DNAH3: variants seen among roughly 807,000 people sequenced by gnomAD.
DNAH3 encodes axonemal beta dynein heavy chain 3.
DNAH3 carries 332 observed loss-of-function variants against 432.5 expected under a neutral mutation model. The observed-to-expected ratio is 0.77, with a 90% CI of 0.70 to 0.84. The LOEUF is 0.84. DNAH3 is among the 40% of genes least tolerant of loss of function. The pLI, the probability that DNAH3 is intolerant of heterozygous loss-of-function variation, is 0.00. For missense variants in DNAH3, 4,861 were observed against 5,114.0 expected (o/e 0.95, Z 1.51); for synonymous variants, 1,956 against 1,900.2 (o/e 1.03, Z -0.76).
At chr16:21,144,851 C>T (rs903781446) in intron 3 of DNAH3, among the ~76,000 whole-genome samples, 1 of 152,092 alleles carries the variant, frequency 6.6e-6, no homozygotes, top group Non-Finnish European at 1.5e-5. Flanking sequence ...GGCACAGTGG[C>T]TCATGCCTGT....
At chr16:21,034,197 C>T (rs1422314203) in intron 35 of DNAH3, 112 bp from the exon 36 acceptor site, 14 of 666,136 alleles carry the variant, frequency 2.1e-5, no homozygotes, top group Non-Finnish European at 3.3e-5. Flanking sequence ...CTCACAGTTG[C>T]TTCTACCTCT....
chr16:21,135,901 A>G (rs181721616), intron 6 of DNAH3, among the ~76,000 whole-genome samples: 1 of 152,056 alleles, frequency 6.6e-6, no homozygotes, highest in African/African-American at 2.4e-5. Flanking sequence ...AATTGTTTTA[A>G]ACTTACAAAT....
exon 2 of DNAH3, chr16:21,146,035 C>A (rs1014363117): frequency 6.2e-6 from 10 of 1,614,040 alleles, no homozygotes; most frequent in Middle Eastern, 1.6e-4. Flanking sequence ...GAGGAGGCAG[C>A]TCTGGCTGCC....
intron 20 of DNAH3, among the ~76,000 whole-genome samples, chr16:21,077,582 C>T (rs1407089351): frequency 1.3e-5 from 2 of 152,134 alleles, no homozygotes; most frequent in Non-Finnish European, 2.9e-5. Context: ...CTGGGTCCAC[C>T]CGTCCATGGC....
intron 47 of DNAH3, among the ~76,000 whole-genome samples, 186 bp from the exon 48 acceptor site, chr16:20,985,901 G>A (rs1407009926): frequency 6.6e-6 from 1 of 151,962 alleles, no homozygotes; most frequent in Admixed American, 6.6e-5. Flanking sequence ...TGTCGCCCAG[G>A]CTGGGGTGCA....
chr16:21,083,473 A>G (rs551348900), intron 19 of DNAH3, among the ~76,000 whole-genome samples: 1 of 152,278 alleles, frequency 6.6e-6, no homozygotes, highest in East Asian at 1.9e-4. Context: ...GACATCAGAA[A>G]TGCACCTTAG....
At chr16:21,159,239 C>G (rs1333164224) in intron 1 of DNAH3, 5 of 1,227,558 alleles carry the variant, frequency 4.1e-6, no homozygotes, top group Non-Finnish European at 6.0e-6. Context: ...TTCTTTACCC[C>G]CAAATTAATA....
chr16:20,965,904 G>A (rs35126441), intron 52 of DNAH3, among the ~76,000 whole-genome samples: 10,800 of 151,336 alleles, frequency 0.071, 523 homozygotes, highest in East Asian at 0.17. Flanking sequence ...GTAGAGACAG[G>A]GTTTTACCAT....
chr16:21,106,779 T>C, intron 14 of DNAH3, 105 bp from the exon 15 acceptor site: 2 of 1,078,162 alleles, frequency 1.9e-6, no homozygotes, highest in Non-Finnish European at 1.2e-6. Flanking sequence ...TAATTCCTAT[T>C]TGAAAAAAAA....
chr16:21,150,062 C>G (rs1010474383), intron 1 of DNAH3, among the ~76,000 whole-genome samples: 8 of 151,850 alleles, frequency 5.3e-5, no homozygotes, highest in Non-Finnish European at 1.2e-4. Flanking sequence ...CCTGTCTCCA[C>G]TAAAAATACA....
intron 53 of DNAH3, among the ~76,000 whole-genome samples, chr16:20,962,877 T>C (rs796815129): frequency 1.3e-5 from 2 of 152,296 alleles, no homozygotes; most frequent in South Asian, 4.1e-4. Flanking sequence ...CAGGCTGGTC[T>C]CAAACTCCTG....
intron 24 of DNAH3, chr16:21,062,892 T>G (rs1483534743): frequency 1.8e-6 from 1 of 556,238 alleles, no homozygotes; most frequent in African/African-American, 1.9e-5. Flanking sequence ...CTTGCCATAT[T>G]GCCCAGGCTA....
chr16:21,002,760 C>G (rs537780178), intron 42 of DNAH3, among the ~76,000 whole-genome samples: 3 of 152,072 alleles, frequency 2.0e-5, no homozygotes, highest in Admixed American at 2.0e-4. Context: ...TGCGCCTGGC[C>G]AGTACCTGGT....
intron 16 of DNAH3, chr16:21,104,111 A>AAG: frequency 5.6e-6 from 1 of 179,284 alleles, no homozygotes; most frequent in Non-Finnish European, 1.2e-5. Flanking sequence ...TTATCTTGAT[A>AAG]TCTTGATATC....
exon 53 of DNAH3, chr16:20,963,284 C>T: frequency 6.2e-7 from 1 of 1,612,396 alleles, no homozygotes; most frequent in Non-Finnish European, 8.5e-7. Context: ...CTGTTCTTAC[C>T]TGCCATTGGG....
At chr16:21,108,989 G>A (rs1567805472) in intron 14 of DNAH3, among the ~76,000 whole-genome samples, 1 of 151,812 alleles carries the variant, frequency 6.6e-6, no homozygotes, top group African/African-American at 2.4e-5. Context: ...CGGGTGTGGT[G>A]GCACACACCT....
chr16:21,098,816 C>G (rs2091763252), intron 16 of DNAH3, 47 bp from the exon 17 acceptor site: 1 of 1,581,538 alleles, frequency 6.3e-7, no homozygotes, highest in African/African-American at 1.4e-5. Flanking sequence ...GCATTTTGTG[C>G]ACTTTCAAAA....
intron 14 of DNAH3, among the ~76,000 whole-genome samples, chr16:21,109,747 C>CT (rs962449666): frequency 6.5e-5 from 9 of 138,826 alleles, no homozygotes; most frequent in South Asian, 4.6e-4. Flanking sequence ...TTTTTTTTTT[C>CT]TTTTTTTTTG....
At chr16:21,098,977 C>T (rs1320611078) in intron 16 of DNAH3, among the ~76,000 whole-genome samples, 2 of 152,260 alleles carry the variant, frequency 1.3e-5, no homozygotes, top group Non-Finnish European at 1.5e-5. Context: ...ATAAGACCAC[C>T]TCCCAGAAAT....
Sources: gnomAD v4.1 joint callset for allele counts (sites outside exome capture counted in the v4.1 genomes callset) on GRCh38, gnomAD v4.1.1 for gene constraint, MANE v1.5 for transcripts, NCBI Gene and HGNC (gene_info 2026-07-23, HGNC 2026-07-21) for gene names.